PLEKHA2: variants seen among roughly 807,000 people sequenced by gnomAD.
The protein encoded by PLEKHA2 is pleckstrin homology domain-containing family A member 2.
PLEKHA2 carries 28 observed loss-of-function variants against 53.2 expected under a neutral mutation model. That is an observed-to-expected ratio of 0.53 (90% CI 0.39 to 0.72). The LOEUF is 0.72. Among genes scored for constraint, PLEKHA2 ranks in the 30% least tolerant of loss-of-function variants. PLEKHA2 has a pLI of 0.00. For missense variants in PLEKHA2, 426 were observed against 537.9 expected (o/e 0.79, Z 2.06); for synonymous variants, 193 against 196.4 (o/e 0.98, Z 0.14).
chr8:38,964,630 A>G (rs1835099422), intron 10 of PLEKHA2, among the ~76,000 whole-genome samples: 1 of 152,070 alleles, frequency 6.6e-6, no homozygotes, highest in African/African-American at 2.4e-5. Flanking sequence ...TGGGTGAACC[A>G]TAGTATATCT....
At chr8:38,937,188 A>T (rs1044098508) in intron 3 of PLEKHA2, among the ~76,000 whole-genome samples, 1 of 152,240 alleles carries the variant, frequency 6.6e-6, no homozygotes, top group African/African-American at 2.4e-5. Flanking sequence ...GGGCAGCGTC[A>T]GGGCGGATTA....
intron 2 of PLEKHA2, among the ~76,000 whole-genome samples, chr8:38,932,718 A>C (rs1427621342): frequency 6.6e-6 from 1 of 152,106 alleles, no homozygotes; most frequent in Non-Finnish European, 1.5e-5. Flanking sequence ...CCTGAGCGTC[A>C]CTTTGGATCA....
At position 38,963,967 on chromosome 8, in the gene PLEKHA2, A is replaced by T. The variant is rs1835086252; in HGVS notation, c.838-4625A>T. 2.0e-5 allele frequency among the ~76,000 whole-genome samples: 3 copies of T among 152,214 alleles called. No homozygotes were observed. In the South Asian group the frequency reaches 6.2e-4, roughly 32 times the overall value. The stretch of plus-strand genomic sequence containing the variant: ...TTTAAGAAAGAGATTTAATTATTTT[A>T]CCTATCATATTAGCAAAGATTTAAA... On this transcript the variant is annotated intron_variant, in intron 10 of 11. Coordinates refer to ENST00000617275, the MANE Select transcript of PLEKHA2 (RefSeq NM_021623.2).
rs149908489 is a variant in PLEKHA2 at position 38,933,218 on chromosome 8, A to G, written c.142-2776A>G. On this transcript the variant is annotated intron_variant, in intron 2 of 11. Transcript: ENST00000617275. Reference sequence around the variant, plus strand: ...AGCGGCCCTGAGATTTGGCATTTGCATCTTGTAATTAGTGCTGTGGGAGGG... The same window carrying G: ...AGCGGCCCTGAGATTTGGCATTTGCGTCTTGTAATTAGTGCTGTGGGAGGG... Among the ~76,000 whole-genome samples the G allele has an allele frequency of 5.5e-3, 841 of 151,982 alleles. 9 individuals carry two copies. The highest frequency in any genetic ancestry group is 0.02 in the African/African-American group (810 of 41,448).
At chr8:38,959,749 C>T (rs1053668604) in intron 10 of PLEKHA2, among the ~76,000 whole-genome samples, 1 of 152,128 alleles carries the variant, frequency 6.6e-6, no homozygotes, top group Admixed American at 6.5e-5. Context: ...GTATATTTTC[C>T]AGGACTTGAG....
chr8:38,968,390 C>T (rs368641053), intron 10 of PLEKHA2, among the ~76,000 whole-genome samples: 3 of 152,250 alleles, frequency 2.0e-5, no homozygotes, highest in Non-Finnish European at 2.9e-5. Flanking sequence ...CCACTTTGAG[C>T]GGTTTTATTT....
At chr8:38,949,076 G>T (rs1418128915) in intron 5 of PLEKHA2, among the ~76,000 whole-genome samples, 1 of 152,072 alleles carries the variant, frequency 6.6e-6, no homozygotes, top group African/African-American at 2.4e-5. Flanking sequence ...TCACTATATT[G>T]GTCAGGCTAG....
intron 1 of PLEKHA2, among the ~76,000 whole-genome samples, chr8:38,902,283 G>A (rs1412129725): frequency 1.3e-5 from 2 of 152,012 alleles, no homozygotes; most frequent in Admixed American, 6.5e-5. Context: ...CGCCCAGAGA[G>A]GGGCGCAGGG....
At chr8:38,951,316 C>T (rs1834835227) in intron 6 of PLEKHA2, among the ~76,000 whole-genome samples, 1 of 152,124 alleles carries the variant, frequency 6.6e-6, no homozygotes, top group African/African-American at 2.4e-5. Context: ...GGAAACCAGC[C>T]TGGTGTCCCT....
intron 1 of PLEKHA2, among the ~76,000 whole-genome samples, chr8:38,914,004 T>C (rs543486629): frequency 3.3e-5 from 5 of 152,196 alleles, no homozygotes; most frequent in Non-Finnish European, 5.9e-5. Flanking sequence ...CCCTGGCCCC[T>C]GCTGTGCTGC....
intron 5 of PLEKHA2, among the ~76,000 whole-genome samples, chr8:38,948,823 T>A (rs1189279684): frequency 6.6e-6 from 1 of 152,136 alleles, no homozygotes; most frequent in Non-Finnish European, 1.5e-5. Context: ...ATTGTGATGC[T>A]GGGGCACTGG....
chr8:38,945,535 C>A (rs185413004), intron 4 of PLEKHA2, among the ~76,000 whole-genome samples: 1 of 152,218 alleles, frequency 6.6e-6, no homozygotes, highest in Admixed American at 6.5e-5. Flanking sequence ...ATGACTCTCA[C>A]GTTTTGTGGT....
chr8:38,951,890 C>G (rs1411056186), intron 6 of PLEKHA2, among the ~76,000 whole-genome samples: 1 of 151,844 alleles, frequency 6.6e-6, no homozygotes, highest in African/African-American at 2.4e-5. Flanking sequence ...ATTTTAAAAT[C>G]AAAATTAAAC....
intron 1 of PLEKHA2, among the ~76,000 whole-genome samples, chr8:38,916,936 T>C (rs1205160325): frequency 6.6e-6 from 1 of 152,228 alleles, no homozygotes; most frequent in Non-Finnish European, 1.5e-5. Context: ...CAGCATTTGT[T>C]GTTGCCTGTC....
intron 10 of PLEKHA2, 115 bp from the exon 11 acceptor site, chr8:38,968,477 G>C: frequency 2.2e-6 from 2 of 900,876 alleles, no homozygotes. Flanking sequence ...ATGATTTCTG[G>C]GATGCTTTCT....
At chr8:38,963,668 A>G (rs1218453447) in intron 10 of PLEKHA2, among the ~76,000 whole-genome samples, 1 of 152,164 alleles carries the variant, frequency 6.6e-6, no homozygotes, top group Non-Finnish European at 1.5e-5. Context: ...GAGGCCAGGA[A>G]TACCCTGCTC....
chr8:38,935,132 G>C (rs1399405824), intron 2 of PLEKHA2, among the ~76,000 whole-genome samples: 1 of 152,112 alleles, frequency 6.6e-6, no homozygotes, highest in Non-Finnish European at 1.5e-5. Context: ...TCCTGCCTCA[G>C]CTTCCCAAGT....
intron 1 of PLEKHA2, among the ~76,000 whole-genome samples, chr8:38,905,343 A>C (rs1262173207): frequency 2.0e-5 from 3 of 152,034 alleles, no homozygotes; most frequent in Admixed American, 1.3e-4. Flanking sequence ...CTGTAGTCCC[A>C]GCTACTCGGG....
intron 5 of PLEKHA2, 23 bp downstream of exon 5, chr8:38,946,244 T>C: frequency 6.4e-7 from 1 of 1,569,034 alleles, no homozygotes; most frequent in Non-Finnish European, 8.7e-7. Context: ...TCTTCTGTTT[T>C]CTGGTGGTAG....
Sources: gnomAD v4.1 joint callset for allele counts (sites outside exome capture counted in the v4.1 genomes callset) on GRCh38, gnomAD v4.1.1 for gene constraint, MANE v1.5 for transcripts, NCBI Gene and HGNC (gene_info 2026-07-23, HGNC 2026-07-21) for gene names.